Variants in SH2D4A observed in about 807,000 individuals in gnomAD.
SH2D4A encodes SH2 domain containing 4A.
A neutral mutation model predicts 64.7 loss-of-function variants in SH2D4A; 70 were observed. The observed-to-expected ratio is 1.08, with a 90% confidence interval of 0.89 to 1.32. SH2D4A has a LOEUF of 1.32. SH2D4A is among the 40% of genes most tolerant of loss of function. The pLI, the probability that SH2D4A is intolerant of heterozygous loss-of-function variation, is 0.00. For missense variants in SH2D4A, 706 were observed against 540.1 expected, an observed-to-expected ratio of 1.31 and a Z score of -3.04; for synonymous variants, 268 against 200.7, an observed-to-expected ratio of 1.34 and a Z score of -2.83.
intron 4 of SH2D4A, among the ~76,000 whole-genome samples, chr8:19,344,409 G>A (rs933111545): frequency 1.3e-5 from 2 of 152,120 alleles, no homozygotes; most frequent in Non-Finnish European, 2.9e-5. Flanking sequence ...TATGCTTTCC[G>A]AGTGGCCCCT....
chr8:19,389,459 A>C (rs1259506752), intron 8 of SH2D4A, among the ~76,000 whole-genome samples: 1 of 152,138 alleles, frequency 6.6e-6, no homozygotes, highest in Non-Finnish European at 1.5e-5. Flanking sequence ...TCACACACAG[A>C]GAGGAGTGGG....
intron 4 of SH2D4A, among the ~76,000 whole-genome samples, chr8:19,356,700 G>C (rs1416516096): frequency 6.6e-6 from 1 of 152,186 alleles, no homozygotes; most frequent in Non-Finnish European, 1.5e-5. Flanking sequence ...TGGGTGACAA[G>C]GGCAGGAAAA....
At chr8:19,327,751 C>T (rs902457286) in intron 2 of SH2D4A, among the ~76,000 whole-genome samples, 3 of 152,202 alleles carry the variant, frequency 2.0e-5, no homozygotes, top group African/African-American at 7.2e-5. Flanking sequence ...AGCAGACACT[C>T]AGTAAATACT....
intron 8 of SH2D4A, among the ~76,000 whole-genome samples, chr8:19,378,491 A>G (rs2053233098): frequency 6.6e-6 from 1 of 152,170 alleles, no homozygotes; most frequent in African/African-American, 2.4e-5. Flanking sequence ...GCTGGAGTGC[A>G]GTGGCACGAT....
chr8:19,332,827 T>C lies in SH2D4A; in HGVS notation c.182-128T>C, dbSNP rs544365675. On this transcript the variant is annotated intron_variant, in intron 2 of 9. Transcript: ENST00000265807. ...ACAGATGTTCCTGAGCAGTTGGAAGTTCTTTGTCTCATCTGATATATATAT... is the reference window on the plus strand; with the variant it reads ...ACAGATGTTCCTGAGCAGTTGGAAGCTCTTTGTCTCATCTGATATATATAT... 1.2e-5 allele frequency: 9 copies of C among 742,958 alleles called. No homozygotes were observed. The African/African-American group carries it at 1.6e-4, about 13-fold the overall frequency. The allele number at this position is 742,958 out of a possible 1,614,324, so 46.0% of individuals were successfully genotyped here. A position where few individuals can be genotyped will look rare whatever the true frequency, so the allele number is the denominator to read the frequency against.
chr8:19,367,799 G>T (rs2053024407), intron 7 of SH2D4A, among the ~76,000 whole-genome samples: 1 of 152,236 alleles, frequency 6.6e-6, no homozygotes, highest in South Asian at 2.1e-4. Flanking sequence ...TCTGGGGCTA[G>T]GCGTGGTGGC....
At chr8:19,370,905 G>T (rs1199382424) in intron 7 of SH2D4A, among the ~76,000 whole-genome samples, 1 of 151,788 alleles carries the variant, frequency 6.6e-6, no homozygotes, top group Non-Finnish European at 1.5e-5. Flanking sequence ...TTGCTTTGTG[G>T]TTACCATGAG....
At chr8:19,340,691 C>T (rs115394836) in intron 4 of SH2D4A, among the ~76,000 whole-genome samples, 190 of 149,484 alleles carry the variant, frequency 1.3e-3, no homozygotes, top group African/African-American at 4.6e-3. Context: ...CTGTAACCTC[C>T]AACTCCTGGG....
At position 19,394,593 on chromosome 8, in the gene SH2D4A, C is replaced by A; in HGVS notation, c.1316C>A (p.Pro439His). The A allele has an allele frequency of 6.2e-7, 1 of 1,608,330 alleles. No individual in the cohort carries two copies. Among genetic ancestry groups the A allele is most frequent in the Non-Finnish European group, 8.5e-7 (1 of 1,176,944 alleles). Residue 439 changes from proline (P) to histidine (H), a missense_variant, in exon 10 of 10, where the codon CCC becomes CAC. By Grantham distance (77) the Pro-to-His change is moderately conservative (BLOSUM62 -2). Transcript: ENST00000265807. Reference protein sequence around the residue: ...TSLGKELLLYPCGQQDQLPDY... With the variant: ...TSLGKELLLYHCGQQDQLPDY... ...CTGGGGAAGGAGCTCCTTCTCTATC[C>A]CTGTGGTCAGCAGGACCAGCTGCCT...
intron 4 of SH2D4A, among the ~76,000 whole-genome samples, chr8:19,354,134 G>C (rs2052753063): frequency 6.6e-6 from 1 of 151,752 alleles, no homozygotes; most frequent in African/African-American, 2.4e-5. Context: ...GGGATTAACA[G>C]GCATGTGCCA....
chr8:19,336,381 T>G (rs535383057), intron 4 of SH2D4A, among the ~76,000 whole-genome samples: 6 of 152,206 alleles, frequency 3.9e-5, no homozygotes, highest in Non-Finnish European at 7.4e-5. Context: ...TAAATTTGGT[T>G]TTTCATCTCA....
rs550831299 is a variant in SH2D4A, at chr8:19,380,724, T to G, written c.1048+7064T>G. On this transcript the variant is annotated intron_variant, in intron 8 of 9. Transcript: ENST00000265807. ...TTCTGAGTTTTTTATTATAATCTAT[T>G]GGTCTATAAGTCTGTCTGTATGCCA... Among the ~76,000 whole-genome samples, 4 of 152,352 alleles carry G rather than the reference T, an allele frequency of 2.6e-5. No homozygotes were observed. The East Asian group carries it at 7.7e-4, about 29-fold the overall frequency.
At chr8:19,353,780 A>G (rs2052747543) in intron 4 of SH2D4A, among the ~76,000 whole-genome samples, 1 of 151,284 alleles carries the variant, frequency 6.6e-6, no homozygotes, top group South Asian at 2.1e-4. Context: ...AAGTGTATCT[A>G]AATGAGCCTG....
intron 7 of SH2D4A, among the ~76,000 whole-genome samples, chr8:19,366,327 T>C (rs1049787997): frequency 6.6e-6 from 1 of 152,202 alleles, no homozygotes; most frequent in Non-Finnish European, 1.5e-5. Flanking sequence ...TCCTATCTTT[T>C]GGCTGTTTTG....
At chr8:19,347,635 C>T (rs2052633593) in intron 4 of SH2D4A, among the ~76,000 whole-genome samples, 1 of 152,222 alleles carries the variant, frequency 6.6e-6, no homozygotes, top group Admixed American at 6.5e-5. Flanking sequence ...TATATCTGCT[C>T]ACTTTTAGAT....
intron 4 of SH2D4A, among the ~76,000 whole-genome samples, chr8:19,355,532 A>G (rs1348917511): frequency 2.0e-5 from 3 of 152,254 alleles, no homozygotes; most frequent in Non-Finnish European, 4.4e-5. Context: ...AATAAGCATT[A>G]GATATCTGTT....
chr8:19,335,327 T>C (rs1376150878), intron 4 of SH2D4A, among the ~76,000 whole-genome samples: 1 of 152,056 alleles, frequency 6.6e-6, no homozygotes. Context: ...CTCATGTCAC[T>C]TGGGGGATTT....
chr8:19,370,198 T>C (rs142480103), intron 7 of SH2D4A, among the ~76,000 whole-genome samples: 7 of 152,236 alleles, frequency 4.6e-5, no homozygotes, highest in African/African-American at 1.7e-4. Context: ...CTAGAGAGTA[T>C]TCTATTTGCT....
Position 19,314,765 on chromosome 8 carries a change from A to G in SH2D4A, c.-205+942A>G, listed in dbSNP as rs151117240. ...GCATACAGGGGCATAGATTTGGCATATGAGTGGAATTCTCTATGTATACTA... is the reference window on the plus strand; with the variant it reads ...GCATACAGGGGCATAGATTTGGCATGTGAGTGGAATTCTCTATGTATACTA... On this transcript the variant is annotated intron_variant, in intron 1 of 9. Coordinates refer to ENST00000265807, the MANE Select transcript of SH2D4A (RefSeq NM_022071.4). 5.4e-3 allele frequency among the ~76,000 whole-genome samples: 816 copies of G among 152,354 alleles called. 8 individuals carry two copies. The highest frequency in any genetic ancestry group is 0.018 in the African/African-American group (757 of 41,584).
Sources: gnomAD v4.1 joint callset for allele counts (sites outside exome capture counted in the v4.1 genomes callset) on GRCh38, gnomAD v4.1.1 for gene constraint, MANE v1.5 for transcripts, NCBI Gene and HGNC (gene_info 2026-07-23, HGNC 2026-07-21) for gene names.